The following SETX variants were observed in gnomAD, a reference collection of about 807,000 sequenced individuals.
SETX encodes helicase senataxin.
A neutral mutation model predicts 227.2 loss-of-function variants in SETX; 90 were observed. The observed-to-expected ratio is 0.40, with a 90% CI of 0.33 to 0.47. The LOEUF is 0.47. Ranked by LOEUF, SETX falls within the 20% of genes least tolerant of loss-of-function variation. The pLI is 0.91. For synonymous variants in SETX, 1,210 were observed against 1,113.2 expected (o/e 1.09, Z -1.73); for missense variants, 3,052 against 3,181.5 (o/e 0.96, Z 0.98).
intron 23 of SETX, among the ~76,000 whole-genome samples, chr9:132,273,104 C>A (rs1842977068): frequency 6.6e-6 from 1 of 151,900 alleles, no homozygotes; most frequent in South Asian, 2.1e-4. Flanking sequence ...ATGCAAAAAA[C>A]AACACAACAC....
rs149808180 is a variant in SETX, at chr9:132,349,425, T to C, written c.4A>G (p.Ser2Gly). 5.0e-5 allele frequency: 80 copies of C among 1,614,038 alleles called. No individual in the cohort carries two copies. The highest frequency in any genetic ancestry group is 6.4e-5 in the Non-Finnish European group (75 of 1,180,042). M[S>G]TCCWCTPGGA... The stretch of plus-strand genomic sequence containing the variant: ...CCTGGCGTACACCAACAACATGTGC[T>C]CATTCTGTACCTACAGCCAGAAAAG... The change falls in exon 3 of 26, where the codon AGC becomes GGC. Residue 2 changes from serine (S) to glycine (G), a missense_variant. This residue lies in a region of SETX where 152 missense variants were observed against 156.2 expected (regional missense o/e 0.97). Transcript: ENST00000224140.
chr9:132,351,685 A>G (rs960387702), intron 2 of SETX, among the ~76,000 whole-genome samples: 1 of 152,234 alleles, frequency 6.6e-6, no homozygotes, highest in Non-Finnish European at 1.5e-5. Flanking sequence ...CTAATGGCTA[A>G]GCCCAGGAAA....
intron 5 of SETX, among the ~76,000 whole-genome samples, chr9:132,338,048 A>C (rs1275386946): frequency 6.6e-6 from 1 of 150,654 alleles, no homozygotes; most frequent in Non-Finnish European, 1.5e-5. Flanking sequence ...ACCTGAATCT[A>C]TGCATGAGGA....
chr9:132,331,026 A>G (rs775053153), intron 9 of SETX, 26 bp downstream of exon 9: 1 of 1,509,448 alleles, frequency 6.6e-7, no homozygotes, highest in South Asian at 1.1e-5. Flanking sequence ...ATAAAATAGC[A>G]TCTGAATTTT....
rs1564542121 is a variant in SETX, at chr9:132,328,356, A to C, written c.3242T>G (p.Phe1081Cys). ...CACTTCAGATGAACTTTCAAACTCA[A>C]AACACTGAGAATCAGATTCCTCAAA... is the stretch of plus-strand genomic sequence containing the variant. Reference protein sequence around the residue: ...FQFEESDSQCFEFESSSEVFS... With the variant: ...FQFEESDSQCCEFESSSEVFS... The change falls in exon 10 of 26, where the codon TTT becomes TGT. Residue 1081 changes from phenylalanine (F) to cysteine (C), a missense_variant. This residue lies in a region of SETX where 1,483 missense variants were observed against 1,312.0 expected (regional missense o/e 1.13). Transcript: ENST00000224140. The C allele has an allele frequency of 6.2e-7, 1 of 1,614,088 alleles. No homozygotes were observed. The highest frequency in any genetic ancestry group is 2.2e-5 in the East Asian group (1 of 44,872).
chr9:132,266,008 C>A (rs1842631377), intron 25 of SETX: 1 of 152,132 alleles, frequency 6.6e-6, no homozygotes. Flanking sequence ...GGGAAAGTTG[C>A]CAAACACATG....
intron 3 of SETX, among the ~76,000 whole-genome samples, chr9:132,347,042 G>A (rs1848330701): frequency 6.6e-6 from 1 of 152,006 alleles, no homozygotes; most frequent in Non-Finnish European, 1.5e-5. Context: ...ATCACCTGAG[G>A]TCGGGAGTTC....
At chr9:132,342,645 A>C (rs1306115133) in intron 5 of SETX, 45 bp downstream of exon 5, 5 of 1,293,800 alleles carry the variant, frequency 3.9e-6, no homozygotes, top group Non-Finnish European at 5.6e-6. Context: ...ATCTATAGGT[A>C]CAAAAGCACA....
chr9:132,343,022 G>A lies in SETX; in HGVS notation c.389-223C>T, dbSNP rs368452325. On this transcript the variant is annotated intron_variant, in intron 4 of 25. Coordinates refer to ENST00000224140, the MANE Select transcript of SETX (RefSeq NM_015046.7). The stretch of plus-strand genomic sequence containing the variant: ...CTTAGAAATTATTCTGACCTTATTA[G>A]AATAGATCCCTTTTTTGCCGGGCGC... 3.3e-5 allele frequency among the ~76,000 whole-genome samples: 5 copies of A among 152,236 alleles called. No individual in the cohort carries two copies. The East Asian group carries it at 9.6e-4, about 29-fold the overall frequency.
chr9:132,291,159 C>CTTTTTTTTTTT (rs139976052), intron 15 of SETX, among the ~76,000 whole-genome samples: 3 of 83,816 alleles, frequency 3.6e-5, no homozygotes, highest in Admixed American at 1.6e-4. Context: ...GTTTGAAAAC[C>CTTTTTTTTTTT]TTTTTTTTTT....
chr9:132,283,171 A>C (rs1011345954), intron 19 of SETX, 93 bp downstream of exon 19: 19 of 1,534,002 alleles, frequency 1.2e-5, no homozygotes, highest in Middle Eastern at 1.7e-4. Context: ...AAAAAAAAAA[A>C]ACACATTTCC....
In SETX at chr9:132,327,774, C is replaced by T. The variant is rs772710683; in HGVS notation, c.3824G>A (p.Arg1275His). 6.2e-6 allele frequency: 10 copies of T among 1,614,048 alleles called. No individual in the cohort carries two copies. Among genetic ancestry groups the T allele is most frequent in the South Asian group, 2.2e-5 (2 of 91,092 alleles). ...TPAIVPPKKFRQCPEPTSTAE... is the reference protein window; with the variant it reads ...TPAIVPPKKFHQCPEPTSTAE... ...TGTTGAAGTTGGCTCAGGACACTGACGAAATTTCTTTGGCGGCACTATAGC... is the reference window on the plus strand; with the variant it reads ...TGTTGAAGTTGGCTCAGGACACTGATGAAATTTCTTTGGCGGCACTATAGC... Residue 1275 changes from arginine to histidine, a missense_variant, in exon 10 of 26, where the codon CGT (arginine) becomes CAT (histidine). Arg to His is a conservative substitution (Grantham distance 29). This residue lies in a region of SETX where 1,483 missense variants were observed against 1,312.0 expected (regional missense o/e 1.13). Coordinates refer to ENST00000224140, the MANE Select transcript of SETX (RefSeq NM_015046.7).
chr9:132,346,565 A>G, intron 3 of SETX, 94 bp from the exon 4 acceptor site: 1 of 858,172 alleles, frequency 1.2e-6, no homozygotes, highest in Admixed American at 2.2e-5. Context: ...CCTAAGTACA[A>G]AAATTCTGAA....
At chr9:132,353,862 G>A (rs1848733563) in intron 1 of SETX, 107 bp from the exon 2 acceptor site, 3 of 152,198 alleles carry the variant, frequency 2.0e-5, no homozygotes, top group Non-Finnish European at 2.9e-5. Flanking sequence ...TGGCTGATGA[G>A]GAAGCCCAGA....
In SETX at chr9:132,346,247, A is replaced by G. The variant is rs751422849; in HGVS notation, c.388+14T>C. The G allele has an allele frequency of 6.3e-7, 1 of 1,588,210 alleles. No homozygotes were observed. The highest frequency in any genetic ancestry group is 1.7e-5 in the Admixed American group (1 of 59,998). ...TAAAACTGATATAACTTGAGGAACC[A>G]TCAAGATACTCACTAACACGTTCAT... On this transcript the variant is annotated intron_variant, in intron 4 of 25. Transcript: ENST00000224140.
At chr9:132,291,686 G>A (rs550005551) in intron 15 of SETX, among the ~76,000 whole-genome samples, 3 of 152,292 alleles carry the variant, frequency 2.0e-5, no homozygotes, top group East Asian at 1.9e-4. Flanking sequence ...TGTGGCACCC[G>A]TAAGGGAGCA....
In SETX at chr9:132,299,832, T is replaced by C. The variant is rs1300072950; in HGVS notation, c.5548+798A>G. 3.3e-5 allele frequency among the ~76,000 whole-genome samples: 5 copies of C among 151,990 alleles called. No individual in the cohort carries two copies. The East Asian group carries it at 7.7e-4, about 23-fold the overall frequency. On this transcript the variant is annotated intron_variant, in intron 12 of 25. Transcript: ENST00000224140. ...TACCTTTTGGGGCTTTGGGGAAGAT[T>C]ATAAATGTACATAAGAAGGACAAGT...
At chr9:132,333,141 G>T (rs1370696033) in intron 7 of SETX, among the ~76,000 whole-genome samples, 3 of 151,502 alleles carry the variant, frequency 2.0e-5, no homozygotes, top group East Asian at 3.9e-4. Context: ...CACTTTGAGA[G>T]GCCAAGGCAG....
chr9:132,296,102 G>A (rs1844655172), intron 14 of SETX, 74 bp from the exon 15 acceptor site: 1 of 1,562,100 alleles, frequency 6.4e-7, no homozygotes, highest in Non-Finnish European at 8.8e-7. Context: ...TAGCTTTAAA[G>A]TTTGTCTTTA....
Sources: allele counts gnomAD v4.1 joint callset (sites outside exome capture counted in the v4.1 genomes callset), GRCh38; gene constraint gnomAD v4.1.1; regional missense constraint gnomAD v4.1.1; transcripts MANE v1.5; gene names NCBI Gene and HGNC (gene_info 2026-07-23, HGNC 2026-07-21).